Variants in HDAC9 observed in about 807,000 individuals in gnomAD.
The protein encoded by HDAC9 is MEF-2 interacting transcription repressor (MITR) protein.
In HDAC9, 41 loss-of-function variants were observed where a neutral mutation model predicts 139.4. The observed-to-expected ratio is 0.29, with a 90% CI of 0.23 to 0.38. The LOEUF (loss-of-function observed/expected upper bound fraction) is 0.38, where lower values mean the gene tolerates loss of function less well. Among genes scored for constraint, HDAC9 ranks in the 10% least tolerant of loss-of-function variants. The pLI, the probability that HDAC9 is intolerant of heterozygous loss-of-function variation, is 1.00. For missense variants in HDAC9, 1,147 were observed against 1,297.0 expected, an observed-to-expected ratio of 0.88 and a Z score of 1.78; for synonymous variants, 517 against 476.2, an observed-to-expected ratio of 1.09 and a Z score of -1.12.
intron 1 of HDAC9, among the ~76,000 whole-genome samples, chr7:18,368,559 GA>G (rs201270475): frequency 7.1e-6 from 1 of 141,024 alleles, no homozygotes; most frequent in Non-Finnish European, 1.6e-5. Context: ...TATTTTCTGG[GA>G]AAAAAAACCC....
Position 18,362,500 on chromosome 7 carries a change from A to C in HDAC9, c.-42+71985A>C, listed in dbSNP as rs183889794. Reference sequence around the variant, plus strand: ...TTATGATTCTTAAAGGCATTATAAAAAATAAATAGGTATATGGTATACAGT... The same window carrying C: ...TTATGATTCTTAAAGGCATTATAAACAATAAATAGGTATATGGTATACAGT... On this transcript the variant is annotated intron_variant, in intron 1 of 3. Transcript: ENST00000413509. Among the ~76,000 whole-genome samples, 10 of 152,296 alleles carry C rather than the reference A, an allele frequency of 6.6e-5. No individual in the cohort carries two copies. In the East Asian group the frequency reaches 1.9e-3, roughly 29 times the overall value.
chr7:18,564,150 T>G (rs1473910228), intron 2 of HDAC9, among the ~76,000 whole-genome samples: 2 of 152,112 alleles, frequency 1.3e-5, no homozygotes, highest in African/African-American at 4.8e-5. Context: ...GTAAATTTTT[T>G]GACAACAATG....
intron 1 of HDAC9, among the ~76,000 whole-genome samples, chr7:18,405,726 A>C (rs1362023721): frequency 1.3e-5 from 2 of 152,256 alleles, no homozygotes; most frequent in African/African-American, 2.4e-5. Flanking sequence ...TAGAAAAGGT[A>C]CACTTGAATT....
intron 18 of HDAC9, 59 bp downstream of exon 18, chr7:18,829,275 C>T (rs1333915432): frequency 7.4e-6 from 10 of 1,355,658 alleles, no homozygotes; most frequent in Non-Finnish European, 1.1e-5. Flanking sequence ...GGTCACCTGC[C>T]CCGTGCATGT....
Position 18,392,305 on chromosome 7 carries a change from T to C in HDAC9, c.-42+101790T>C, listed in dbSNP as rs554154551. On this transcript the variant is annotated intron_variant, in intron 1 of 3. Coordinates refer to the HDAC9 transcript ENST00000413509. Reference sequence around the variant, plus strand: ...CTCTCTCTCTGTCTCTCTCTCTCTCTCTCTCTCTCTCACACACACACACAC... The same window carrying C: ...CTCTCTCTCTGTCTCTCTCTCTCTCCCTCTCTCTCTCACACACACACACAC... 2.9e-5 allele frequency among the ~76,000 whole-genome samples: 4 copies of C among 136,570 alleles called. No homozygotes were observed. In the East Asian group the frequency reaches 8.2e-4, roughly 28 times the overall value. The allele number at this position is 136,570 out of a possible 152,430, so 89.6% of individuals were successfully genotyped here.
intron 5 of HDAC9, 34 bp downstream of exon 5, chr7:18,591,676 G>C (rs1831030287): frequency 1.9e-6 from 3 of 1,607,996 alleles, no homozygotes; most frequent in Admixed American, 3.4e-5. Context: ...TCATTCCTGG[G>C]GTAAAGAACA....
chr7:18,662,292 A>G (rs757064715), intron 11 of HDAC9, among the ~76,000 whole-genome samples: 36 of 152,038 alleles, frequency 2.4e-4, no homozygotes, highest in Non-Finnish European at 4.0e-4. Context: ...CCTTAACAAG[A>G]GATTTTGGTT....
At chr7:18,752,172 C>G (rs1788508153) in intron 14 of HDAC9, among the ~76,000 whole-genome samples, 1 of 152,082 alleles carries the variant, frequency 6.6e-6, no homozygotes, top group Non-Finnish European at 1.5e-5. Flanking sequence ...CAATTTGCCA[C>G]ATGTCTTAAG....
intron 2 of HDAC9, among the ~76,000 whole-genome samples, chr7:18,212,174 G>T (rs867451357): frequency 1.3e-5 from 2 of 152,020 alleles, no homozygotes; most frequent in African/African-American, 2.4e-5. Context: ...ACAGGATGAT[G>T]AATAATACAA....
chr7:18,680,889 C>G (rs1333707625), intron 12 of HDAC9, among the ~76,000 whole-genome samples: 2 of 151,904 alleles, frequency 1.3e-5, no homozygotes, highest in Non-Finnish European at 1.5e-5. Flanking sequence ...TTAACCAAAT[C>G]TTTGCATTTT....
chr7:18,908,860 A>G (rs886395534), intron 22 of HDAC9, among the ~76,000 whole-genome samples: 1 of 152,092 alleles, frequency 6.6e-6, no homozygotes, highest in African/African-American at 2.4e-5. Flanking sequence ...TAGTACTGCA[A>G]TAAATACAAA....
intron 2 of HDAC9, among the ~76,000 whole-genome samples, chr7:18,532,605 T>A (rs1809403778): frequency 6.6e-6 from 1 of 152,192 alleles, no homozygotes; most frequent in Admixed American, 6.5e-5. Context: ...AAACACCGAT[T>A]TGAATTTTGG....
At chr7:18,705,414 C>T (rs1783810513) in intron 12 of HDAC9, among the ~76,000 whole-genome samples, 1 of 152,148 alleles carries the variant, frequency 6.6e-6, no homozygotes, top group Admixed American at 6.5e-5. Flanking sequence ...CTCCACTCCC[C>T]ACCCGAGCCA....
chr7:18,364,339 T>A (rs921497052), intron 1 of HDAC9, among the ~76,000 whole-genome samples: 1 of 152,060 alleles, frequency 6.6e-6, no homozygotes, highest in African/African-American at 2.4e-5. Context: ...ATATAAGGTC[T>A]GCGGCACCGG....
chr7:18,338,452 G>A (rs546715363), intron 1 of HDAC9, among the ~76,000 whole-genome samples: 7 of 151,694 alleles, frequency 4.6e-5, no homozygotes, highest in African/African-American at 1.7e-4. Flanking sequence ...ATATTTGGCA[G>A]TATTACTGAG....
At chr7:18,808,699 A>G (rs1363244276) in intron 17 of HDAC9, among the ~76,000 whole-genome samples, 2 of 152,142 alleles carry the variant, frequency 1.3e-5, no homozygotes, top group Non-Finnish European at 2.9e-5. Context: ...GGAAGAATTA[A>G]CATTGGTAAA....
intron 1 of HDAC9, among the ~76,000 whole-genome samples, chr7:18,124,845 A>T (rs1278232925): frequency 2.6e-5 from 4 of 151,216 alleles, no homozygotes; most frequent in Non-Finnish European, 5.9e-5. Flanking sequence ...TCTGCCTCTG[A>T]TCCCAAAAGG....
rs1011286171 is a variant in HDAC9 at position 18,992,247 on chromosome 7, C to T, written c.3171-3776C>T. On this transcript the variant is annotated intron_variant, in intron 25 of 25. Transcript: ENST00000686413. ...TGGTGAATAGAGAGTTGGAGTCAAG[C>T]CCAGTGTCCATTATTGGGAGAATGA... Among the ~76,000 whole-genome samples, 4 of 152,090 alleles carry T rather than the reference C, an allele frequency of 2.6e-5. No homozygotes were observed. The East Asian group carries it at 7.7e-4, about 29-fold the overall frequency.
intron 1 of HDAC9, among the ~76,000 whole-genome samples, chr7:18,341,544 T>G (rs1275194634): frequency 6.6e-6 from 1 of 151,750 alleles, no homozygotes; most frequent in Non-Finnish European, 1.5e-5. Flanking sequence ...TCCAAAGTGT[T>G]TTTTATCTGA....
Sources: gnomAD v4.1 joint callset for allele counts (sites outside exome capture counted in the v4.1 genomes callset) on GRCh38, gnomAD v4.1.1 for gene constraint, MANE v1.5 for transcripts, NCBI Gene and HGNC (gene_info 2026-07-23, HGNC 2026-07-21) for gene names.